Variants in STX18 observed in about 807,000 individuals in gnomAD.
STX18 encodes syntaxin-18.
STX18 carries 40 observed loss-of-function variants against 50.1 expected under a neutral mutation model. That is an observed-to-expected ratio of 0.80 (90% CI 0.62 to 1.04). STX18 has a LOEUF of 1.04. Among genes scored for constraint, STX18 ranks in the 50% least tolerant of loss-of-function variants. The pLI, the probability that STX18 is intolerant of heterozygous loss-of-function variation, is 0.00. For missense variants in STX18, 410 were observed against 415.8 expected (o/e 0.99, Z 0.12); for synonymous variants, 158 against 151.8 (o/e 1.04, Z -0.30).
chr4:4,490,028 A>G (rs6853956), intron 1 of STX18, among the ~76,000 whole-genome samples: 10,867 of 152,256 alleles, frequency 0.071, 1,260 homozygotes, highest in African/African-American at 0.24. Flanking sequence ...AACACCATAC[A>G]TACAAAAAAT....
chr4:4,503,525 C>G (rs1020445179), intron 1 of STX18, among the ~76,000 whole-genome samples: 1 of 152,106 alleles, frequency 6.6e-6, no homozygotes, highest in Non-Finnish European at 1.5e-5. Flanking sequence ...ATTTGCATAT[C>G]TATTTCTGTC....
intron 1 of STX18, chr4:4,499,580 T>C: frequency 1.0e-6 from 1 of 967,714 alleles, no homozygotes. Context: ...TCATAGGTAT[T>C]CACTGACTGG....
At chr4:4,509,954 T>C (rs1325227180) in intron 1 of STX18, among the ~76,000 whole-genome samples, 1 of 152,180 alleles carries the variant, frequency 6.6e-6, no homozygotes, top group Admixed American at 6.5e-5. Flanking sequence ...GGAGACTGAC[T>C]GTCTATTAGA....
chr4:4,525,916 T>G (rs1428497197), intron 1 of STX18, among the ~76,000 whole-genome samples: 1 of 151,978 alleles, frequency 6.6e-6, no homozygotes, highest in African/African-American at 2.4e-5. Context: ...CAATGGAATT[T>G]GAGAAAGTGA....
intron 5 of STX18, among the ~76,000 whole-genome samples, chr4:4,439,400 A>C (rs564000584): frequency 1.7e-5 from 2 of 119,352 alleles, no homozygotes; most frequent in African/African-American, 6.5e-5. Context: ...ACACACACAC[A>C]CCATATATGT....
intron 1 of STX18, among the ~76,000 whole-genome samples, chr4:4,490,022 CCATA>C (rs1341715521): frequency 6.6e-6 from 1 of 152,220 alleles, no homozygotes; most frequent in African/African-American, 2.4e-5. Flanking sequence ...ATTTGAAACA[CCATA>C]CATACAAAAA....
chr4:4,439,890 C>T (rs563983840), intron 5 of STX18, among the ~76,000 whole-genome samples: 1 of 152,240 alleles, frequency 6.6e-6, no homozygotes, highest in South Asian at 2.1e-4. Flanking sequence ...AAGGAAAGGC[C>T]GCCTCCCACT....
At chr4:4,526,165 T>C (rs1404996053) in intron 1 of STX18, among the ~76,000 whole-genome samples, 3 of 152,142 alleles carry the variant, frequency 2.0e-5, no homozygotes, top group Admixed American at 2.0e-4. Flanking sequence ...AGCAACATCT[T>C]CCGTGCAGTG....
At chr4:4,470,982 C>A (rs530852582) in intron 2 of STX18, among the ~76,000 whole-genome samples, 1 of 152,176 alleles carries the variant, frequency 6.6e-6, no homozygotes, top group Non-Finnish European at 1.5e-5. Context: ...AGAAACTAGA[C>A]TTAGCCACCA....
intron 2 of STX18, among the ~76,000 whole-genome samples, chr4:4,464,145 GTTATC>G (rs1727509762): frequency 6.6e-6 from 1 of 152,080 alleles, no homozygotes; most frequent in Non-Finnish European, 1.5e-5. Flanking sequence ...TCCTAATGAT[GTTATC>G]TTATCTGTCA....
intron 1 of STX18, among the ~76,000 whole-genome samples, chr4:4,503,735 G>A (rs1729567766): frequency 6.6e-6 from 1 of 152,048 alleles, no homozygotes; most frequent in Admixed American, 6.6e-5. Flanking sequence ...ATGGAAATGT[G>A]AGTTCAAGGA....
At position 4,457,261 on chromosome 4, in the gene STX18, T is replaced by C; in HGVS notation, c.431-4A>G. ...TCTGAGTAAAGTTTACATACTCCTG[T>C]TGCAGAAGAAAATACCAGAAGAGAG... On this transcript the variant is annotated splice_polypyrimidine_tract_variant and splice_region_variant and intron_variant, in intron 4 of 10. Transcript: ENST00000306200. 1 of 1,613,914 alleles carries C rather than the reference T, an allele frequency of 6.2e-7. No individual in the cohort carries two copies. The highest frequency in any genetic ancestry group is 8.5e-7 in the Non-Finnish European group (1 of 1,179,820).
chr4:4,419,881 T>G lies in STX18; in HGVS notation c.*153A>C. 1 of 664,136 alleles carries G rather than the reference T, an allele frequency of 1.5e-6. No individual in the cohort carries two copies. Among genetic ancestry groups the G allele is most frequent in the East Asian group, 2.8e-5 (1 of 35,920 alleles). 41.1% of individuals were successfully genotyped at this position (664,136 alleles called of 1,614,324 possible). On this transcript the variant is annotated 3_prime_UTR_variant, in exon 11 of 11. Coordinates refer to ENST00000306200, the MANE Select transcript of STX18 (RefSeq NM_016930.4). ...CACCATCGGCCTGGGGTATCCCTTTTTGGGGAATACGTCTGTCTGTCTGAA... is the reference window on the plus strand; with the variant it reads ...CACCATCGGCCTGGGGTATCCCTTTGTGGGGAATACGTCTGTCTGTCTGAA...
chr4:4,453,657 T>A (rs1577336525), intron 5 of STX18: 2 of 982,728 alleles, frequency 2.0e-6, no homozygotes, highest in African/African-American at 3.5e-5. Flanking sequence ...CCTTCTTTTA[T>A]GCCTCCAGCA....
At chr4:4,471,740 A>G in intron 1 of STX18, 34 bp from the exon 2 acceptor site, 2 of 1,429,958 alleles carry the variant, frequency 1.4e-6, no homozygotes, top group Non-Finnish European at 1.9e-6. Context: ...CAGTTTATAT[A>G]GATATGTTAC....
intron 1 of STX18, among the ~76,000 whole-genome samples, chr4:4,517,937 G>A (rs1445437772): frequency 6.6e-6 from 1 of 151,974 alleles, no homozygotes; most frequent in Non-Finnish European, 1.5e-5. Flanking sequence ...ACCACGCCTG[G>A]CTAATTTTTG....
chr4:4,440,740 T>C (rs1442836306), intron 5 of STX18, among the ~76,000 whole-genome samples: 1 of 152,242 alleles, frequency 6.6e-6, no homozygotes, highest in African/African-American at 2.4e-5. Flanking sequence ...GAAATGGTCC[T>C]CTACAAAATT....
chr4:4,536,208 T>C lies in STX18; in HGVS notation c.168+5589A>G, dbSNP rs199673664. Among the ~76,000 whole-genome samples, 4 of 152,204 alleles carry C rather than the reference T, an allele frequency of 2.6e-5. No individual in the cohort carries two copies. The East Asian group carries it at 7.7e-4, about 29-fold the overall frequency. On this transcript the variant is annotated intron_variant, in intron 1 of 10. Coordinates refer to ENST00000306200, the MANE Select transcript of STX18 (RefSeq NM_016930.4). ...TGTGAGTATCACAGAGCTTTAGAAC[T>C]GCAATGAGCCTTGGACAGAGATCAC...
intron 1 of STX18, among the ~76,000 whole-genome samples, chr4:4,521,529 AAAGACTTAAGAAGAGG>A (rs1730510172): frequency 6.6e-6 from 1 of 152,242 alleles, no homozygotes; most frequent in African/African-American, 2.4e-5. Flanking sequence ...AAAGAAAATG[AAAGACTTAAGAAGAGG>A]CAGCAAAGGT....
Sources: gnomAD v4.1 joint callset for allele counts (sites outside exome capture counted in the v4.1 genomes callset) on GRCh38, gnomAD v4.1.1 for gene constraint, MANE v1.5 for transcripts, NCBI Gene and HGNC (gene_info 2026-07-23, HGNC 2026-07-21) for gene names.